The following AOAH variants were observed in gnomAD, a reference collection of about 807,000 sequenced individuals.
AOAH encodes the protein acyloxyacyl hydrolase (neutrophil).
A neutral mutation model predicts 92.2 loss-of-function variants in AOAH; 64 were observed. That is an observed-to-expected ratio of 0.69 (90% CI 0.57 to 0.86). AOAH has a LOEUF of 0.86. AOAH is among the 40% of genes least tolerant of loss of function. The pLI is 0.00. For missense variants in AOAH, 656 were observed against 694.6 expected (o/e 0.94, Z 0.62); for synonymous variants, 263 against 254.5 (o/e 1.03, Z -0.32).
At position 36,614,458 on chromosome 7, in the gene AOAH, T is replaced by C. The variant is rs1353210684; in HGVS notation, c.846+1922A>G. On this transcript the variant is annotated intron_variant, in intron 11 of 20. Transcript: ENST00000617537. The surrounding 1 kb of genome is among the most constrained non-coding windows in gnomAD (Gnocchi z 4.2). ...CTTATTTTTGAATTTGTGTTTGTTATGTGAGTGAAGTCCAGTGGGCCAACT... is the reference window on the plus strand; with the variant it reads ...CTTATTTTTGAATTTGTGTTTGTTACGTGAGTGAAGTCCAGTGGGCCAACT... 6.6e-6 allele frequency among the ~76,000 whole-genome samples: 1 copy of C among 150,480 alleles called. No homozygotes were observed. The highest frequency in any genetic ancestry group is 1.9e-4 in the East Asian group (1 of 5,158).
chr7:36,637,726 A>G, intron 5 of AOAH, 125 bp downstream of exon 5: 2 of 818,474 alleles, frequency 2.4e-6, no homozygotes, highest in Middle Eastern at 4.6e-4. Context: ...TTCCATCCCC[A>G]CGTAGCTATG....
At position 36,517,304 on chromosome 7, in the gene AOAH, CT is replaced by C. The variant is rs1306583354; in HGVS notation, c.1600-3925del. ...TCTTTCTTTCTTTCTTTCCTTTCTT[CT>C]TTTGAGACAGGATTTTGCTCTGCCA... On this transcript the variant is annotated intron_variant, in intron 20 of 20. Transcript: ENST00000617537. Among the ~76,000 whole-genome samples the C allele has an allele frequency of 1.7e-4, 24 of 143,114 alleles. 1 individual carries two copies. The Admixed American group carries it at 1.7e-3, about 10-fold the overall frequency. 93.9% of individuals were successfully genotyped at this position (143,114 alleles called of 152,430 possible). A position where few individuals can be genotyped will look rare whatever the true frequency, so the allele number is the denominator to read the frequency against.
chr7:36,526,270 C>CG (rs1369071114), intron 19 of AOAH, among the ~76,000 whole-genome samples: 1 of 132,446 alleles, frequency 7.6e-6, no homozygotes, highest in Admixed American at 8.6e-5. Context: ...TCATTTTTTT[C>CG]CCCCATATGA....
chr7:36,656,304 A>G (rs1292215947), intron 4 of AOAH, among the ~76,000 whole-genome samples: 1 of 152,208 alleles, frequency 6.6e-6, no homozygotes, highest in African/African-American at 2.4e-5. Context: ...CTTTGATACG[A>G]CATTCAAGGA....
chr7:36,558,675 A>C (rs370092764), intron 13 of AOAH, among the ~76,000 whole-genome samples: 1 of 152,366 alleles, frequency 6.6e-6, no homozygotes, highest in East Asian at 1.9e-4. Flanking sequence ...AAGCCTGGGC[A>C]ATGGCGGGAG....
intron 6 of AOAH, among the ~76,000 whole-genome samples, chr7:36,629,498 A>G (rs887262292): frequency 6.6e-6 from 1 of 152,170 alleles, no homozygotes; most frequent in Admixed American, 6.5e-5. Flanking sequence ...TCAGTCTTCC[A>G]GCATCTTCTT....
At chr7:36,687,609 T>A (rs1399869699) in intron 1 of AOAH, among the ~76,000 whole-genome samples, 1 of 151,582 alleles carries the variant, frequency 6.6e-6, no homozygotes, top group Admixed American at 6.6e-5. Context: ...GATCAGTAAG[T>A]ATGTGAGAAG....
intron 19 of AOAH, among the ~76,000 whole-genome samples, chr7:36,529,978 T>C (rs534635221): frequency 6.6e-5 from 10 of 152,354 alleles, no homozygotes; most frequent in Non-Finnish European, 1.2e-4. Flanking sequence ...AAGTTCATCC[T>C]GTATGGGGTG....
At chr7:36,543,943 C>CTTTTTTTTTTTTTTTTTTTTTT (rs1407764591) in intron 15 of AOAH, among the ~76,000 whole-genome samples, 9 of 82,796 alleles carry the variant, frequency 1.1e-4, no homozygotes, top group Admixed American at 2.6e-4. Context: ...TTCTTTCTTT[C>CTTTTTTTTTTTTTTTTTTTTTT]TTTCTTTTTT....
chr7:36,530,467 C>G lies in AOAH; in HGVS notation c.1473G>C (p.Glu491Asp), dbSNP rs1784627771. 2.5e-6 allele frequency: 4 copies of G among 1,613,910 alleles called. No homozygotes were observed. Among genetic ancestry groups the G allele is most frequent in the African/African-American group, 1.3e-5 (1 of 74,922 alleles). ...AGAAAAGATTGAAGTTTGTAAATTT[C>G]TCACTGGCTGCAATTTTTTTCAGTG... ...SNTLKKIAAS[E>D]KFTNFNLFYM... Residue 491 changes from glutamate (E) to aspartate (D), a missense_variant, in exon 19 of 21, where the codon GAG (glutamate) becomes GAC (aspartate). Physicochemically the swap from Glu to Asp is conservative, Grantham distance 45. Transcript: ENST00000617537.
At chr7:36,589,930 A>T (rs1562597515) in intron 12 of AOAH, among the ~76,000 whole-genome samples, 1 of 151,642 alleles carries the variant, frequency 6.6e-6, no homozygotes, top group East Asian at 1.9e-4. Context: ...TTTAATCTTA[A>T]TTTTTTTTAC....
intron 15 of AOAH, among the ~76,000 whole-genome samples, chr7:36,547,932 T>A (rs565985119): frequency 6.6e-6 from 1 of 152,156 alleles, no homozygotes; most frequent in Admixed American, 6.5e-5. Flanking sequence ...CTCTTCCACA[T>A]GAGGAAGTAA....
intron 11 of AOAH, among the ~76,000 whole-genome samples, chr7:36,608,289 C>T (rs1446218490): frequency 6.6e-6 from 1 of 152,216 alleles, no homozygotes; most frequent in Admixed American, 6.5e-5. Context: ...GCCCCACTGT[C>T]CCTCTGACAC....
intron 12 of AOAH, among the ~76,000 whole-genome samples, chr7:36,577,082 A>T (rs1788568477): frequency 7.2e-6 from 1 of 139,844 alleles, no homozygotes; most frequent in South Asian, 2.2e-4. Flanking sequence ...ATTGTCCTTC[A>T]GCTTTATTCT....
At chr7:36,576,465 A>G (rs1788505811) in intron 13 of AOAH, 109 bp downstream of exon 13, 2 of 682,912 alleles carry the variant, frequency 2.9e-6, no homozygotes, top group African/African-American at 3.7e-5. Context: ...GAGACCGTTC[A>G]TTTTATTCTG....
chr7:36,716,157 T>C (rs1055899457), intron 1 of AOAH, among the ~76,000 whole-genome samples: 1 of 152,132 alleles, frequency 6.6e-6, no homozygotes, highest in Non-Finnish European at 1.5e-5. Flanking sequence ...CATCAAAAAG[T>C]GGGCAAAGGA....
In AOAH at chr7:36,670,536, G is replaced by A. The variant is rs182616933; in HGVS notation, c.290+3407C>T. 1.4e-3 allele frequency among the ~76,000 whole-genome samples: 218 copies of A among 152,248 alleles called. 1 individual carries two copies. The highest frequency in any genetic ancestry group is 0.011 in the Admixed American group (169 of 15,290). ...GTGATTCGGGCTGGAGTGCAGTGGC[G>A]TCATCTCAGCTCACTGCAACCTCGG... is the stretch of plus-strand genomic sequence containing the variant. On this transcript the variant is annotated intron_variant, in intron 3 of 20. Transcript: ENST00000617537.
intron 13 of AOAH, among the ~76,000 whole-genome samples, chr7:36,564,472 T>A (rs1787535500): frequency 6.6e-6 from 1 of 152,004 alleles, no homozygotes; most frequent in African/African-American, 2.4e-5. Flanking sequence ...CAAAGTCAAG[T>A]GGAAAATGAG....
At chr7:36,543,947 C>CTTTCTTTTTTTTTTTTTTTTTTTTTTCT (rs55745823) in intron 15 of AOAH, among the ~76,000 whole-genome samples, 1 of 91,008 alleles carries the variant, frequency 1.1e-5, no homozygotes, top group Non-Finnish European at 2.0e-5. Flanking sequence ...TTCTTTCTTT[C>CTTTCTTTTTTTTTTTTTTTTTTTTTTCT]TTTTTTTTTT....
Sources: gnomAD v4.1 joint callset for allele counts (sites outside exome capture counted in the v4.1 genomes callset) on GRCh38, gnomAD v4.1.1 for gene constraint, Gnocchi (gnomAD v3.1) non-coding constraint, MANE v1.5 for transcripts, NCBI Gene and HGNC (gene_info 2026-07-23, HGNC 2026-07-21) for gene names.